Variants in NAA16 observed in about 807,000 individuals in gnomAD.
NAA16 encodes the protein N-alpha-acetyltransferase 16, NatA auxiliary subunit, also known as NARG1-like protein.
NAA16 carries 97 observed loss-of-function variants against 110.3 expected under a neutral mutation model. The ratio of observed to expected loss-of-function variants is 0.88; its 90% confidence interval spans 0.75 to 1.04. NAA16 has a LOEUF of 1.04. Among genes scored for constraint, NAA16 ranks in the 50% least tolerant of loss-of-function variants. The pLI, the probability that NAA16 is intolerant of heterozygous loss-of-function variation, is 0.00. For synonymous variants in NAA16, 372 were observed against 330.6 expected, an observed-to-expected ratio of 1.13 and a Z score of -1.36; for missense variants, 1,017 against 1,005.1, an observed-to-expected ratio of 1.01 and a Z score of -0.16.
intron 7 of NAA16, among the ~76,000 whole-genome samples, chr13:41,330,499 T>C (rs539918680): frequency 1.3e-5 from 2 of 152,192 alleles, no homozygotes; most frequent in East Asian, 3.9e-4. Context: ...AAAACAGGTT[T>C]GTTTGCTTTT....
At chr13:41,317,575 G>A (rs1373803475) in intron 2 of NAA16, among the ~76,000 whole-genome samples, 1 of 152,142 alleles carries the variant, frequency 6.6e-6, no homozygotes, top group Non-Finnish European at 1.5e-5. Context: ...TAATGGTTGA[G>A]ATCATCTTAT....
chr13:41,362,448 C>A, intron 13 of NAA16: 1 of 337,920 alleles, frequency 3.0e-6, no homozygotes, highest in Non-Finnish European at 5.6e-6. Context: ...CCTAATTAGG[C>A]CATTATTTTG....
chr13:41,367,384 G>T, intron 13 of NAA16, 55 bp from the exon 14 acceptor site: 1 of 1,264,684 alleles, frequency 7.9e-7, no homozygotes, highest in Non-Finnish European at 1.1e-6. Flanking sequence ...TTTTTCTAAA[G>T]GTAGACATTA....
intron 7 of NAA16, among the ~76,000 whole-genome samples, chr13:41,330,603 C>A (rs1265737057): frequency 6.6e-6 from 1 of 151,920 alleles, no homozygotes; most frequent in Non-Finnish European, 1.5e-5. Flanking sequence ...ATACCCAGAT[C>A]CTATTTGCTT....
At chr13:41,313,137 G>A (rs1038019205) in intron 1 of NAA16, among the ~76,000 whole-genome samples, 1 of 151,986 alleles carries the variant, frequency 6.6e-6, no homozygotes, top group African/African-American at 2.4e-5. Flanking sequence ...ATGGATCAGT[G>A]TCATAAGGAA....
intron 6 of NAA16, among the ~76,000 whole-genome samples, chr13:41,328,452 G>A (rs2042150185): frequency 6.6e-6 from 1 of 152,144 alleles, no homozygotes; most frequent in Admixed American, 6.6e-5. Flanking sequence ...AAGAGTATAA[G>A]ATGTGTGTAA....
chr13:41,353,790 CA>C (rs1345905966), intron 9 of NAA16, among the ~76,000 whole-genome samples: 21 of 151,840 alleles, frequency 1.4e-4, no homozygotes, highest in African/African-American at 3.9e-4. Flanking sequence ...CACACACACA[CA>C]CACACACACA....
chr13:41,362,086 C>T lies in NAA16; in HGVS notation c.1466C>T (p.Thr489Ile). The T allele has an allele frequency of 1.9e-6, 3 of 1,609,948 alleles. No homozygotes were observed. The highest frequency in any genetic ancestry group is 2.5e-6 in the Non-Finnish European group (3 of 1,178,592). Residue 489 changes from threonine (T) to isoleucine (I), a missense_variant, in exon 13 of 20, where the codon ACA (threonine) becomes ATA (isoleucine). By Grantham distance (89) the Thr-to-Ile change is moderately conservative. Coordinates refer to ENST00000379406, the MANE Select transcript of NAA16 (RefSeq NM_024561.5). ...GAAATGCAGTGTATGTGGTTTCAGA[C>T]AGAATGCATTTCAGCTTATCAGCGT... Reference protein sequence around the residue: ...LNEMQCMWFQTECISAYQRLG... With the variant: ...LNEMQCMWFQIECISAYQRLG...
intron 5 of NAA16, among the ~76,000 whole-genome samples, chr13:41,323,909 T>C (rs2042016043): frequency 6.6e-6 from 1 of 152,176 alleles, no homozygotes; most frequent in African/African-American, 2.4e-5. Context: ...CTCCTCTGTT[T>C]ATCTGTCATT....
intron 13 of NAA16, among the ~76,000 whole-genome samples, chr13:41,366,529 T>C (rs1165939503): frequency 6.6e-6 from 1 of 152,126 alleles, no homozygotes; most frequent in Non-Finnish European, 1.5e-5. Flanking sequence ...GATTGTTTTG[T>C]TGGGGGAGGG....
At chr13:41,372,094 TA>T in intron 15 of NAA16, 108 bp from the exon 16 acceptor site, 1 of 930,182 alleles carries the variant, frequency 1.1e-6, no homozygotes, top group Non-Finnish European at 1.4e-6. Context: ...TTTGGTTTTA[TA>T]AAGAAAGCTG....
At chr13:41,347,214 C>CA (rs76747459) in intron 9 of NAA16, among the ~76,000 whole-genome samples, 17 of 55,266 alleles carry the variant, frequency 3.1e-4, no homozygotes, top group Non-Finnish European at 4.9e-4. Context: ...GACTCCGTCT[C>CA]AAAAAAAAAA....
rs960157080 is a variant in NAA16, at chr13:41,339,438, C to T, written c.1014+2682C>T. Among the ~76,000 whole-genome samples the T allele has an allele frequency of 7.9e-5, 12 of 151,768 alleles. No individual in the cohort carries two copies. The South Asian group carries it at 1.2e-3, about 16-fold the overall frequency. On this transcript the variant is annotated intron_variant, in intron 9 of 19. Coordinates refer to ENST00000379406, the MANE Select transcript of NAA16 (RefSeq NM_024561.5). ...ACAGGCGTGAGCCACCGCGCCTGGC[C>T]GAAATGTATTTCTTAAATGTCTCCA...
intron 7 of NAA16, among the ~76,000 whole-genome samples, chr13:41,330,938 A>G (rs1593439818): frequency 6.6e-6 from 1 of 152,198 alleles, no homozygotes; most frequent in African/African-American, 2.4e-5. Flanking sequence ...CGTTATAAAA[A>G]GATTTTCTTT....
intron 13 of NAA16, among the ~76,000 whole-genome samples, chr13:41,364,372 A>G (rs2043169704): frequency 6.6e-6 from 1 of 152,114 alleles, no homozygotes; most frequent in Non-Finnish European, 1.5e-5. Flanking sequence ...AGAATAAGCT[A>G]GTGTAGTATC....
intron 8 of NAA16, among the ~76,000 whole-genome samples, chr13:41,334,761 A>T (rs995647750): frequency 1.3e-5 from 2 of 152,186 alleles, no homozygotes; most frequent in African/African-American, 2.4e-5. Context: ...AAGAGTTTAT[A>T]AGTGAAGTCT....
At chr13:41,339,768 C>T (rs2042485969) in intron 9 of NAA16, among the ~76,000 whole-genome samples, 1 of 151,880 alleles carries the variant, frequency 6.6e-6, no homozygotes, top group African/African-American at 2.4e-5. Context: ...TGATGTTGAC[C>T]AGGGTGGTCT....
chr13:41,332,178 T>C (rs1329007277), intron 8 of NAA16, among the ~76,000 whole-genome samples: 1 of 152,152 alleles, frequency 6.6e-6, no homozygotes, highest in Admixed American at 6.5e-5. Context: ...TTGAAGTTTT[T>C]GTCTTCTTTT....
In NAA16 at chr13:41,326,900, C is replaced by T. The variant is rs1018417492; in HGVS notation, c.691+1049C>T. ...TATTATACAAAGTAGTTTCACTGCCCTAAACATCCTTTGTTTCACCTTTCC... is the reference window on the plus strand; with the variant it reads ...TATTATACAAAGTAGTTTCACTGCCTTAAACATCCTTTGTTTCACCTTTCC... On this transcript the variant is annotated intron_variant, in intron 6 of 19. Transcript: ENST00000379406. Among the ~76,000 whole-genome samples, 6 of 152,274 alleles carry T rather than the reference C, an allele frequency of 3.9e-5. No homozygotes were observed. The East Asian group carries it at 1.2e-3, about 29-fold the overall frequency.
Sources: gnomAD v4.1 joint callset for allele counts (sites outside exome capture counted in the v4.1 genomes callset) on GRCh38, gnomAD v4.1.1 for gene constraint, MANE v1.5 for transcripts, NCBI Gene and HGNC (gene_info 2026-07-23, HGNC 2026-07-21) for gene names.